Variants in STXBP3 observed in about 807,000 individuals in gnomAD.
The protein encoded by STXBP3 is syntaxin-binding protein 3.
In STXBP3, 41 loss-of-function variants were observed where a neutral mutation model predicts 85.7. The observed-to-expected ratio is 0.48, with a 90% CI of 0.37 to 0.62. STXBP3 has a LOEUF of 0.62. Ranked by LOEUF, STXBP3 falls within the 20% of genes least tolerant of loss-of-function variation. The pLI, the probability that STXBP3 is intolerant of heterozygous loss-of-function variation, is 0.00. For synonymous variants in STXBP3, 229 were observed against 231.7 expected (o/e 0.99, Z 0.10); for missense variants, 563 against 703.1 (o/e 0.80, Z 2.25).
At chr1:108,754,741 G>A (rs1166357862) in intron 3 of STXBP3, among the ~76,000 whole-genome samples, 1 of 152,100 alleles carries the variant, frequency 6.6e-6, no homozygotes, top group Non-Finnish European at 1.5e-5. Context: ...TATATGCCAA[G>A]GTATAAGTGG....
intron 17 of STXBP3, among the ~76,000 whole-genome samples, chr1:108,804,454 C>G (rs1277039): frequency 1.3e-5 from 2 of 151,808 alleles, no homozygotes; most frequent in African/African-American, 2.4e-5. Context: ...TTAAACATAC[C>G]TAATTTGTAG....
Position 108,752,244 on chromosome 1 carries a change from C to CT in STXBP3, c.50-7dup. On this transcript the variant is annotated splice_polypyrimidine_tract_variant and intron_variant, in intron 1 of 18. Transcript: ENST00000370008. Reference sequence around the variant, plus strand: ...TATTTAATTCCTAAGTAATTCCTTTCTTTTTTAAACAGAGATAAAAGCAAC... The same window carrying CT: ...TATTTAATTCCTAAGTAATTCCTTTCTTTTTTTAAACAGAGATAAAAGCAAC... 1 of 1,597,726 alleles carries CT rather than the reference C, an allele frequency of 6.3e-7. No homozygotes were observed. Among genetic ancestry groups the CT allele is most frequent in the Non-Finnish European group, 8.5e-7 (1 of 1,172,118 alleles).
chr1:108,760,152 T>C, intron 6 of STXBP3, 67 bp downstream of exon 6: 3 of 847,014 alleles, frequency 3.5e-6, no homozygotes, highest in South Asian at 1.8e-5. Flanking sequence ...TTATTGTTAA[T>C]AAAGTATATT....
At chr1:108,796,765 GTGTA>G in intron 15 of STXBP3, 39 bp downstream of exon 15, 1 of 1,502,106 alleles carries the variant, frequency 6.7e-7, no homozygotes. Flanking sequence ...TTATATGTAT[GTGTA>G]TGTATGGTTG....
At chr1:108,782,328 G>T (rs772269816) in intron 9 of STXBP3, 94 bp from the exon 10 acceptor site, 148 of 950,462 alleles carry the variant, frequency 1.6e-4, no homozygotes, top group Non-Finnish European at 2.2e-4. Context: ...TCAGTTTCTT[G>T]AGTTGTGTCT....
intron 6 of STXBP3, among the ~76,000 whole-genome samples, chr1:108,763,569 T>C (rs969228820): frequency 1.3e-5 from 2 of 152,124 alleles, no homozygotes; most frequent in African/African-American, 4.8e-5. Context: ...AAATGGCTCA[T>C]AGCAAAACCC....
In STXBP3 at chr1:108,800,315, A is replaced by G. The variant is rs774461667; in HGVS notation, c.1535+10A>G. 12 of 1,587,158 alleles carry G rather than the reference A, an allele frequency of 7.6e-6. No individual in the cohort carries two copies. The East Asian group carries it at 2.0e-4, about 27-fold the overall frequency. ...GTTCAGGAGCTGTAAGGTAAATTCTACAAGTGAAAATCAATGAAATTTTCA... is the reference window on the plus strand; with the variant it reads ...GTTCAGGAGCTGTAAGGTAAATTCTGCAAGTGAAAATCAATGAAATTTTCA... On this transcript the variant is annotated intron_variant, in intron 17 of 18. Coordinates refer to ENST00000370008, the MANE Select transcript of STXBP3 (RefSeq NM_007269.4).
intron 6 of STXBP3, among the ~76,000 whole-genome samples, chr1:108,765,625 A>G (rs1278538777): frequency 8.4e-6 from 1 of 119,414 alleles, no homozygotes; most frequent in Non-Finnish European, 1.6e-5. Context: ...TCCAGGCTGG[A>G]GTGCAGTGGT....
intron 17 of STXBP3, among the ~76,000 whole-genome samples, chr1:108,805,108 AAC>A (rs1663301725): frequency 6.6e-6 from 1 of 152,216 alleles, no homozygotes; most frequent in Non-Finnish European, 1.5e-5. Flanking sequence ...ATGTGTGTGA[AAC>A]AAATTAAATA....
At chr1:108,746,910 C>A (rs1017259013) in intron 1 of STXBP3, 124 bp downstream of exon 1, 21 of 955,522 alleles carry the variant, frequency 2.2e-5, no homozygotes, top group Non-Finnish European at 3.2e-5. Context: ...TGCTTTGGGA[C>A]CTGTGTGAGG....
Position 108,809,143 on chromosome 1 carries a change from A to G in STXBP3, c.*266A>G, listed in dbSNP as rs1415798767. On this transcript the variant is annotated 3_prime_UTR_variant, in exon 19 of 19. Transcript: ENST00000370008. ...TTTCACCTTTGGAGGAGAATATATT[A>G]GAGTTGTGGGTAATTTTTCACAGCC... 1 of 303,722 alleles carries G rather than the reference A, an allele frequency of 3.3e-6. No individual in the cohort carries two copies. The highest frequency in any genetic ancestry group is 6.0e-6 in the Non-Finnish European group (1 of 165,952). The allele number at this position is 303,722 out of a possible 1,614,324, so 18.8% of individuals were successfully genotyped here.
At chr1:108,760,199 A>T (rs1662108367) in intron 6 of STXBP3, 114 bp downstream of exon 6, 1 of 571,676 alleles carries the variant, frequency 1.7e-6, no homozygotes, top group African/African-American at 2.0e-5. Context: ...GTGAATTTTG[A>T]ACCTAATCCA....
In STXBP3 at chr1:108,796,512, TTGAC is replaced by T. The variant is rs1277923070; in HGVS notation, c.1250-105_1250-102del. The T allele has an allele frequency of 8.4e-6, 10 of 1,192,422 alleles. No homozygotes were observed. In the African/African-American group the frequency reaches 1.2e-4, roughly 15 times the overall value. 73.9% of individuals were successfully genotyped at this position (1,192,422 alleles called of 1,614,324 possible). A position where few individuals can be genotyped will look rare whatever the true frequency, so the allele number is the denominator to read the frequency against. On this transcript the variant is annotated intron_variant, in intron 14 of 18. Transcript: ENST00000370008. ...GAGAGAAGACTGAAGGAGATATAATTTGACTGTTTTTTATTTTAAAAGCTTCATT... is the reference window on the plus strand; with the variant it reads ...GAGAGAAGACTGAAGGAGATATAATTTGTTTTTTATTTTAAAAGCTTCATT...
In STXBP3 at chr1:108,796,300, G is replaced by T; in HGVS notation, c.1177G>T (p.Val393Phe). 6.2e-7 allele frequency: 1 copy of T among 1,612,724 alleles called. No homozygotes were observed. The highest frequency in any genetic ancestry group is 8.5e-7 in the Non-Finnish European group (1 of 1,178,882). Residue 393 changes from valine to phenylalanine, a missense_variant, in exon 14 of 19, where the codon GTT becomes TTT. Val to Phe is a conservative substitution (Grantham distance 50). Coordinates refer to ENST00000370008, the MANE Select transcript of STXBP3 (RefSeq NM_007269.4). The part of the protein sequence containing the change: ...VKDSMRVLLP[V>F]LLNKNHDNCD... ...AGATTCCATGCGAGTACTCCTTCCA[G>T]TTCTACTCAACAAAAATCATGATAA...
intron 17 of STXBP3, among the ~76,000 whole-genome samples, chr1:108,803,148 A>G (rs1570776274): frequency 6.6e-6 from 1 of 152,080 alleles, no homozygotes; most frequent in East Asian, 1.9e-4. Context: ...TTTGGAGGTT[A>G]TGTTATCTAT....
At position 108,807,454 on chromosome 1, in the gene STXBP3, A is replaced by G. The variant is rs529674509; in HGVS notation, c.1589A>G (p.Lys530Arg). ...NYLEDRKNGSKLIVFVIGGIT... is the reference protein window; with the variant it reads ...NYLEDRKNGSRLIVFVIGGIT... ...TTAGAAGACCGAAAAAATGGGTCAA[A>G]GCTGATTGTTTTTGTAATTGGAGGG... Residue 530 changes from lysine (K) to arginine (R), a missense_variant, in exon 18 of 19, where the codon AAG (lysine) becomes AGG (arginine). This residue lies in a region of STXBP3 where 494 missense variants were observed against 592.8 expected (regional missense o/e 0.83). Coordinates refer to ENST00000370008, the MANE Select transcript of STXBP3 (RefSeq NM_007269.4). 6.2e-7 allele frequency: 1 copy of G among 1,613,742 alleles called. No homozygotes were observed. The highest frequency in any genetic ancestry group is 1.3e-5 in the African/African-American group (1 of 74,946).
At chr1:108,806,510 T>G (rs1024821934) in intron 17 of STXBP3, among the ~76,000 whole-genome samples, 3 of 152,110 alleles carry the variant, frequency 2.0e-5, no homozygotes, top group African/African-American at 7.2e-5. Context: ...CATTGTTTCA[T>G]TTCATCCTTG....
intron 11 of STXBP3, 37 bp from the exon 12 acceptor site, chr1:108,793,545 C>A: frequency 7.8e-6 from 12 of 1,546,594 alleles, no homozygotes; most frequent in Non-Finnish European, 1.1e-5. Context: ...ATAACTGAAT[C>A]ATAGGCTTGC....
intron 18 of STXBP3, among the ~76,000 whole-genome samples, chr1:108,808,469 T>C (rs1663388646): frequency 6.6e-6 from 1 of 152,262 alleles, no homozygotes; most frequent in Non-Finnish European, 1.5e-5. Flanking sequence ...GGATCTCTAT[T>C]ATTGAACAAT....
Sources: gnomAD v4.1 joint callset for allele counts (sites outside exome capture counted in the v4.1 genomes callset) on GRCh38, gnomAD v4.1.1 for gene constraint, gnomAD v4.1.1 regional missense constraint, MANE v1.5 for transcripts, NCBI Gene and HGNC (gene_info 2026-07-23, HGNC 2026-07-21) for gene names.